The following ACBD6 variants were observed in gnomAD, a reference collection of about 807,000 sequenced individuals.
The protein encoded by ACBD6 is acyl-CoA binding domain containing 6.
A neutral mutation model predicts 37.2 loss-of-function variants in ACBD6; 28 were observed. The observed-to-expected ratio is 0.75, with a 90% CI of 0.56 to 1.03. The LOEUF (loss-of-function observed/expected upper bound fraction) is 1.03. ACBD6 is among the 50% of genes least tolerant of loss of function. ACBD6 has a pLI of 0.00. For missense variants in ACBD6, 340 were observed against 337.4 expected (o/e 1.01, Z -0.06); for synonymous variants, 113 against 126.8 (o/e 0.89, Z 0.73).
intron 6 of ACBD6, among the ~76,000 whole-genome samples, chr1:180,330,793 T>A (rs1186066921): frequency 6.6e-6 from 1 of 152,182 alleles, no homozygotes; most frequent in Admixed American, 6.5e-5. Flanking sequence ...GAGAGAGGAA[T>A]TGGAGTAAAA....
rs141033870 is a variant in ACBD6, at chr1:180,495,602, T to C, written c.223-77A>G. On this transcript the variant is annotated intron_variant, in intron 1 of 7. Transcript: ENST00000367595. The stretch of plus-strand genomic sequence containing the variant: ...AAACTTTTCCTTTTCAAATGTATTA[T>C]GTATATTCAGTAACCATAGGTTGGA... 5,193 of 1,141,060 alleles carry C rather than the reference T, an allele frequency of 4.6e-3. 17 individuals carry two copies. The highest frequency in any genetic ancestry group is 0.013 in the Middle Eastern group (61 of 4,560). The allele number at this position is 1,141,060 out of a possible 1,614,324, so 70.7% of individuals were successfully genotyped here.
At chr1:180,385,901 G>A (rs973327907) in intron 6 of ACBD6, among the ~76,000 whole-genome samples, 1 of 152,182 alleles carries the variant, frequency 6.6e-6, no homozygotes, top group African/African-American at 2.4e-5. Context: ...TGGGCGCAAT[G>A]GCTCACACCT....
chr1:180,470,381 T>C (rs1208513835), intron 3 of ACBD6, among the ~76,000 whole-genome samples: 2 of 152,212 alleles, frequency 1.3e-5, no homozygotes, highest in Non-Finnish European at 2.9e-5. Context: ...TAAACTGATA[T>C]TAAGATTACA....
chr1:180,301,928 T>A (rs1220787983), intron 7 of ACBD6, among the ~76,000 whole-genome samples: 1 of 152,156 alleles, frequency 6.6e-6, no homozygotes, highest in Non-Finnish European at 1.5e-5. Context: ...AGTTATGATT[T>A]AATATTGCAT....
At chr1:180,457,475 C>T (rs1649969133) in intron 3 of ACBD6, among the ~76,000 whole-genome samples, 1 of 110,512 alleles carries the variant, frequency 9.0e-6, no homozygotes. Flanking sequence ...CATCTTGTCT[C>T]AGTAGGGATC....
intron 7 of ACBD6, 124 bp downstream of exon 7, chr1:180,314,568 G>A: frequency 2.5e-6 from 2 of 795,862 alleles, no homozygotes; most frequent in Non-Finnish European, 4.1e-6. Context: ...TGAACAAAAA[G>A]TTATTGTATC....
chr1:180,416,422 TTAAA>T (rs1203021128), intron 4 of ACBD6, among the ~76,000 whole-genome samples: 2 of 152,202 alleles, frequency 1.3e-5, no homozygotes, highest in African/African-American at 2.4e-5. Context: ...CAGTAGAGCC[TTAAA>T]TAAATAAATG....
intron 4 of ACBD6, among the ~76,000 whole-genome samples, chr1:180,423,703 ATG>A (rs1454664518): frequency 6.6e-6 from 1 of 152,216 alleles, no homozygotes; most frequent in Non-Finnish European, 1.5e-5. Context: ...TTTACTAAAA[ATG>A]TATTTTCACC....
chr1:180,435,003 A>C lies in ACBD6; in HGVS notation c.385-4741T>G, dbSNP rs1557869284. 1.1e-5 allele frequency: 11 copies of C among 965,714 alleles called. No individual in the cohort carries two copies. The East Asian group carries it at 2.6e-4, about 23-fold the overall frequency. 59.8% of individuals were successfully genotyped at this position (965,714 alleles called of 1,614,324 possible). ...ATGGACTGAGTACGGCCTGACGTTT[A>C]CAGAGAAATGGAACACCGACAATAC... On this transcript the variant is annotated intron_variant, in intron 3 of 7. Transcript: ENST00000367595.
chr1:180,385,502 A>G (rs993740106), intron 6 of ACBD6, among the ~76,000 whole-genome samples: 3 of 151,424 alleles, frequency 2.0e-5, no homozygotes, highest in African/African-American at 4.9e-5. Flanking sequence ...CCCAATTCCT[A>G]TGTTGAAGCC....
At chr1:180,376,837 CA>C (rs1172559588) in intron 6 of ACBD6, among the ~76,000 whole-genome samples, 1 of 152,038 alleles carries the variant, frequency 6.6e-6, no homozygotes, top group Non-Finnish European at 1.5e-5. Context: ...AGATACCCCC[CA>C]AATAAACAAA....
intron 3 of ACBD6, among the ~76,000 whole-genome samples, chr1:180,462,011 G>A (rs571808237): frequency 5.3e-5 from 8 of 152,122 alleles, no homozygotes; most frequent in African/African-American, 1.2e-4. Flanking sequence ...TGAGGCAGGC[G>A]GATCACTTGA....
intron 3 of ACBD6, among the ~76,000 whole-genome samples, chr1:180,461,862 A>G (rs1212576992): frequency 6.6e-6 from 1 of 152,160 alleles, no homozygotes; most frequent in Non-Finnish European, 1.5e-5. Context: ...CGAAGCAACC[A>G]CATAAACAAG....
intron 6 of ACBD6, among the ~76,000 whole-genome samples, chr1:180,351,093 C>T (rs1375552092): frequency 6.6e-6 from 1 of 152,060 alleles, no homozygotes; most frequent in South Asian, 2.1e-4. Flanking sequence ...AGTAACTACT[C>T]TTAACCATAA....
chr1:180,422,407 T>C (rs987005300), intron 4 of ACBD6, among the ~76,000 whole-genome samples: 4 of 152,146 alleles, frequency 2.6e-5, no homozygotes, highest in African/African-American at 4.8e-5. Flanking sequence ...GGTTTCAACA[T>C]GTTGGCCACG....
chr1:180,434,920 C>G, intron 3 of ACBD6: 1 of 778,658 alleles, frequency 1.3e-6, no homozygotes. Flanking sequence ...TTTACAAGCT[C>G]AGGCTCAGCC....
intron 3 of ACBD6, among the ~76,000 whole-genome samples, chr1:180,491,791 T>C (rs1181157203): frequency 6.6e-6 from 1 of 152,182 alleles, no homozygotes; most frequent in Non-Finnish European, 1.5e-5. Flanking sequence ...GTTATATTAC[T>C]ATTTAAGTAA....
At chr1:180,369,840 T>G (rs1653187625) in intron 6 of ACBD6, among the ~76,000 whole-genome samples, 1 of 152,212 alleles carries the variant, frequency 6.6e-6, no homozygotes, top group Non-Finnish European at 1.5e-5. Flanking sequence ...ATATATGTGT[T>G]ACAGCATACT....
At chr1:180,403,154 T>C (rs555794095) in intron 5 of ACBD6, among the ~76,000 whole-genome samples, 25 of 152,298 alleles carry the variant, frequency 1.6e-4, no homozygotes, top group Admixed American at 7.8e-4. Context: ...TATGGTAGAA[T>C]AATATCAAAA....
Sources: allele counts gnomAD v4.1 joint callset (sites outside exome capture counted in the v4.1 genomes callset), GRCh38; gene constraint gnomAD v4.1.1; transcripts MANE v1.5; gene names NCBI Gene and HGNC (gene_info 2026-07-23, HGNC 2026-07-21).